The following CNTN6 variants were observed in gnomAD, a reference collection of about 807,000 sequenced individuals.
CNTN6 encodes contactin-6.
Under a neutral mutation model 122.8 loss-of-function variants are expected in CNTN6, and 137 were observed. The ratio of observed to expected loss-of-function variants is 1.12; its 90% confidence interval spans 0.97 to 1.29. CNTN6 has a LOEUF of 1.29. CNTN6 is among the 50% of genes most tolerant of loss of function. The pLI is 0.00. For missense variants in CNTN6, 1,634 were observed against 1,223.4 expected (o/e 1.34, Z -5.01); for synonymous variants, 570 against 426.0 (o/e 1.34, Z -4.16).
At chr3:1,310,083 T>G (rs1436313738) in intron 7 of CNTN6, among the ~76,000 whole-genome samples, 1 of 147,184 alleles carries the variant, frequency 6.8e-6, no homozygotes, top group East Asian at 1.9e-4. Context: ...TATTATTTCC[T>G]TCTTTTCAAT....
intron 2 of CNTN6, among the ~76,000 whole-genome samples, chr3:1,217,056 C>T (rs1396518439): frequency 6.6e-6 from 1 of 152,058 alleles, no homozygotes; most frequent in Non-Finnish European, 1.5e-5. Context: ...ATTTTATAAA[C>T]AATATATTAT....
In CNTN6 at chr3:1,373,681, C is replaced by A. The variant is rs1709437582; in HGVS notation, c.1864C>A (p.Pro622Thr). 3 of 1,612,808 alleles carry A rather than the reference C, an allele frequency of 1.9e-6. No individual in the cohort carries two copies. Among genetic ancestry groups the A allele is most frequent in the African/African-American group, 1.3e-5 (1 of 74,854 alleles). Residue 622 changes from proline to threonine, a missense_variant, in exon 15 of 23, where the codon CCA becomes ACA. Coordinates refer to ENST00000446702, the MANE Select transcript of CNTN6 (RefSeq NM_001289080.2). ...TTSQLSWRAG[P>T]DNNSPIQIFT... ...TTCTCAACTAAGTTGGAGAGCAGGC[C>A]CAGATAATAACAGTCCCATTCAAAT...
chr3:1,390,941 C>T (rs1694050105), intron 20 of CNTN6, among the ~76,000 whole-genome samples: 3 of 149,262 alleles, frequency 2.0e-5, no homozygotes, highest in African/African-American at 7.5e-5. Flanking sequence ...AAGTCCAGGA[C>T]CAGATGGATT....
In CNTN6 at chr3:1,385,660, G is replaced by C. The variant is rs1306818046; in HGVS notation, c.2567G>C (p.Arg856Thr). Reference protein sequence around the residue: ...DSKESMIGKIRVSGNVTTKNI... With the variant: ...DSKESMIGKITVSGNVTTKNI... ...AAAGAATCCATGATAGGTAAAATTA[G>C]AGTCAGTGGAAATGTCACAACCAAA... Residue 856 changes from arginine to threonine, a missense_variant, in exon 20 of 23, where the codon AGA becomes ACA. By Grantham distance (71) the Arg-to-Thr change is moderately conservative. Transcript: ENST00000446702. 1 of 1,614,014 alleles carries C rather than the reference G, an allele frequency of 6.2e-7. No individual in the cohort carries two copies. Among genetic ancestry groups the C allele is most frequent in the Admixed American group, 1.7e-5 (1 of 60,006 alleles).
chr3:1,294,597 C>G lies in CNTN6; in HGVS notation c.455-1004C>G, dbSNP rs144923591. ...ATTATGTCATTTATACAGTTACCCACAAGATTTCCAGAGATGGACTGATTG... is the reference window on the plus strand; with the variant it reads ...ATTATGTCATTTATACAGTTACCCAGAAGATTTCCAGAGATGGACTGATTG... On this transcript the variant is annotated intron_variant, in intron 5 of 22. Transcript: ENST00000446702. 1.1e-4 allele frequency among the ~76,000 whole-genome samples: 16 copies of G among 152,230 alleles called. No individual in the cohort carries two copies. In the East Asian group the frequency reaches 2.3e-3, roughly 22 times the overall value.
intron 11 of CNTN6, among the ~76,000 whole-genome samples, chr3:1,332,495 A>AAAGGAAGGAAGGAAGGAAGGAAGGAAGG (rs71056331): frequency 3.4e-5 from 4 of 118,552 alleles, no homozygotes; most frequent in South Asian, 3.6e-4. Flanking sequence ...AGGAAGGAAA[A>AAAGGAAGGAAGGAAGGAAGGAAGGAAGG]AAGGAAGGAA....
At chr3:1,252,538 C>A (rs563823766) in intron 4 of CNTN6, among the ~76,000 whole-genome samples, 1 of 152,092 alleles carries the variant, frequency 6.6e-6, no homozygotes, top group Non-Finnish European at 1.5e-5. Flanking sequence ...TTTCACTTTA[C>A]GGAAATAATA....
chr3:1,243,316 C>T (rs562208731), intron 4 of CNTN6, among the ~76,000 whole-genome samples: 21 of 151,996 alleles, frequency 1.4e-4, no homozygotes, highest in South Asian at 1.0e-3. Context: ...CTGGCTGCTG[C>T]GGTTCAGGTG....
intron 7 of CNTN6, among the ~76,000 whole-genome samples, chr3:1,300,453 A>ATTC (rs1465253362): frequency 1.1e-3 from 43 of 40,702 alleles, no homozygotes; most frequent in African/African-American, 4.3e-3. Flanking sequence ...TCAGTTCAGG[A>ATTC]AGGAAGGAAG....
chr3:1,280,459 ATT>A lies in CNTN6; in HGVS notation c.454+1973_454+1974del, dbSNP rs71619483. Among the ~76,000 whole-genome samples, 22 of 66,622 alleles carry A rather than the reference ATT, an allele frequency of 3.3e-4. 1 individual carries two copies. Among genetic ancestry groups the A allele is most frequent in the Admixed American group, 1.1e-3 (5 of 4,622 alleles). 43.7% of individuals were successfully genotyped at this position (66,622 alleles called of 152,430 possible). A position where few individuals can be genotyped will look rare whatever the true frequency, so the allele number is the denominator to read the frequency against. On this transcript the variant is annotated intron_variant, in intron 5 of 22. Coordinates refer to ENST00000446702, the MANE Select transcript of CNTN6 (RefSeq NM_001289080.2). ...GTAATGGCAAACTTGTGTAATACCA[ATT>A]TTTTTTTTTTTTTTTTTTTTTGTGA...
intron 11 of CNTN6, among the ~76,000 whole-genome samples, chr3:1,343,743 AT>A (rs1704233773): frequency 6.6e-6 from 1 of 152,090 alleles, no homozygotes; most frequent in African/African-American, 2.4e-5. Flanking sequence ...AATGTATTTA[AT>A]TCTCAAAACA....
At chr3:1,223,531 A>T (rs2094237425) in intron 3 of CNTN6, among the ~76,000 whole-genome samples, 1 of 152,214 alleles carries the variant, frequency 6.6e-6, no homozygotes, top group Non-Finnish European at 1.5e-5. Flanking sequence ...CTGCAAAGGG[A>T]AGAGAAATGG....
intron 11 of CNTN6, among the ~76,000 whole-genome samples, chr3:1,332,167 A>T (rs953695773): frequency 6.6e-6 from 1 of 151,968 alleles, no homozygotes; most frequent in African/African-American, 2.4e-5. Flanking sequence ...GTTGAAAATA[A>T]TTGAGCTCTA....
chr3:1,387,947 T>TG (rs1576025636), intron 20 of CNTN6, among the ~76,000 whole-genome samples: 1 of 151,520 alleles, frequency 6.6e-6, no homozygotes, highest in East Asian at 1.9e-4. Context: ...AGCACAGCAG[T>TG]CTGAGATCAA....
At chr3:1,160,821 C>G (rs1187461462) in intron 2 of CNTN6, among the ~76,000 whole-genome samples, 3 of 152,036 alleles carry the variant, frequency 2.0e-5, no homozygotes, top group Admixed American at 6.6e-5. Context: ...CTCGTAGCAG[C>G]TCATGAAAGC....
At chr3:1,311,302 T>C (rs1261386630) in intron 7 of CNTN6, among the ~76,000 whole-genome samples, 2 of 144,478 alleles carry the variant, frequency 1.4e-5, no homozygotes, top group Non-Finnish European at 3.0e-5. Context: ...CATATACGTA[T>C]ATGTACATAT....
intron 7 of CNTN6, among the ~76,000 whole-genome samples, chr3:1,303,178 C>G (rs1157143111): frequency 1.3e-5 from 2 of 150,942 alleles, no homozygotes; most frequent in African/African-American, 4.9e-5. Flanking sequence ...TTTATTATAG[C>G]ACTTAATATA....
Position 1,268,550 on chromosome 3 carries a change from T to G in CNTN6, c.359-9863T>G, listed in dbSNP as rs539586305. ...TGAACCCGGGAGGAGGAGCTTGCAG[T>G]GAGCCGAGATTGAGCCACTGCACTC... On this transcript the variant is annotated intron_variant, in intron 4 of 22. Coordinates refer to ENST00000446702, the MANE Select transcript of CNTN6 (RefSeq NM_001289080.2). 3.1e-4 allele frequency among the ~76,000 whole-genome samples: 42 copies of G among 135,354 alleles called. 1 individual carries two copies. The highest frequency in any genetic ancestry group is 2.9e-3 in the South Asian group (12 of 4,146). The allele number at this position is 135,354 out of a possible 152,430, so 88.8% of individuals were successfully genotyped here. A position where few individuals can be genotyped will look rare whatever the true frequency, so the allele number is the denominator to read the frequency against.
intron 12 of CNTN6, among the ~76,000 whole-genome samples, chr3:1,358,657 T>G (rs3772282): frequency 0.38 from 57,752 of 151,794 alleles, 12,279 homozygotes; most frequent in African/African-American, 0.55. Context: ...CTTATCCTCT[T>G]TTTTTGGGTT....
Sources: gnomAD v4.1 joint callset for allele counts (sites outside exome capture counted in the v4.1 genomes callset) on GRCh38, gnomAD v4.1.1 for gene constraint, MANE v1.5 for transcripts, NCBI Gene and HGNC (gene_info 2026-07-23, HGNC 2026-07-21) for gene names.